The following TMEM87B variants were observed in gnomAD, a reference collection of about 807,000 sequenced individuals.
TMEM87B encodes the protein transmembrane protein 87B.
A neutral mutation model predicts 80.3 loss-of-function variants in TMEM87B; 83 were observed. The ratio of observed to expected loss-of-function variants is 1.03; its 90% confidence interval spans 0.87 to 1.24. The LOEUF is 1.24. TMEM87B is among the 50% of genes most tolerant of loss of function. The pLI, the probability that TMEM87B is intolerant of heterozygous loss-of-function variation, is 0.00. For missense variants in TMEM87B, 625 were observed against 674.4 expected (o/e 0.93, Z 0.81); for synonymous variants, 219 against 230.5 (o/e 0.95, Z 0.45).
intron 15 of TMEM87B, 56 bp from the exon 16 acceptor site, chr2:112,105,944 TTC>T: frequency 8.0e-7 from 1 of 1,255,584 alleles, no homozygotes. Context: ...ATTATTAAAT[TTC>T]TAAAGGAAAA....
At chr2:112,095,212 T>TTTTTTTTTTTTTTTTTTTTTTC (rs1679431615) in intron 11 of TMEM87B, 1 of 760,944 alleles carries the variant, frequency 1.3e-6, no homozygotes, top group Non-Finnish European at 1.6e-6. Context: ...TTTTTTTTTT[T>TTTTTTTTTTTTTTTTTTTTTTC]GCTGTTTTGC....
At chr2:112,080,420 C>A (rs554401966) in intron 6 of TMEM87B, among the ~76,000 whole-genome samples, 5 of 151,838 alleles carry the variant, frequency 3.3e-5, no homozygotes, top group African/African-American at 1.2e-4. Flanking sequence ...CCACCACGCC[C>A]GGCTAATTTT....
chr2:112,067,717 G>C (rs1374680726), intron 4 of TMEM87B, among the ~76,000 whole-genome samples: 2 of 152,058 alleles, frequency 1.3e-5, no homozygotes, highest in Admixed American at 1.3e-4. Context: ...TCTTCCTTCT[G>C]TCAACTGCAG....
intron 17 of TMEM87B, among the ~76,000 whole-genome samples, chr2:112,110,139 G>C (rs1359815568): frequency 6.6e-6 from 1 of 152,034 alleles, no homozygotes; most frequent in East Asian, 1.9e-4. Context: ...GACCTTTTCT[G>C]TCCAGCTTTA....
intron 15 of TMEM87B, among the ~76,000 whole-genome samples, chr2:112,101,031 T>G (rs1679615985): frequency 6.6e-6 from 1 of 152,220 alleles, no homozygotes; most frequent in African/African-American, 2.4e-5. Flanking sequence ...CTTCTTGCTC[T>G]TTTTAAAGTA....
intron 2 of TMEM87B, among the ~76,000 whole-genome samples, chr2:112,060,462 T>C (rs1361623275): frequency 6.6e-6 from 1 of 152,184 alleles, no homozygotes; most frequent in Non-Finnish European, 1.5e-5. Flanking sequence ...GCAAATGTTT[T>C]GTTTTTAAGT....
At chr2:112,076,346 AG>A (rs1678813301) in intron 5 of TMEM87B, among the ~76,000 whole-genome samples, 1 of 151,914 alleles carries the variant, frequency 6.6e-6, no homozygotes, top group African/African-American at 2.4e-5. Flanking sequence ...GTTAGAAAAA[AG>A]AGGTTTTTTT....
At chr2:112,112,559 G>A (rs1268429773) in intron 17 of TMEM87B, among the ~76,000 whole-genome samples, 1 of 152,218 alleles carries the variant, frequency 6.6e-6, no homozygotes, top group Non-Finnish European at 1.5e-5. Flanking sequence ...TTTCCCAAAG[G>A]TCCTGCTGTC....
intron 11 of TMEM87B, among the ~76,000 whole-genome samples, chr2:112,095,936 G>A (rs1234026670): frequency 6.6e-6 from 1 of 151,988 alleles, no homozygotes; most frequent in African/African-American, 2.4e-5. Context: ...TCTTCTTTTT[G>A]CTTCTTCATC....
Position 112,089,694 on chromosome 2 carries a change from T to G in TMEM87B, c.1008T>G (p.Val336=). 1.9e-6 allele frequency: 3 copies of G among 1,614,154 alleles called. No homozygotes were observed. The highest frequency in any genetic ancestry group is 2.5e-6 in the Non-Finnish European group (3 of 1,179,982). Reference sequence around the variant, plus strand: ...TTCTATACTTAATCTTTGCAGCTGTTGAAGGCGTGATGAGAGTCATTGGGG... The same window carrying G: ...TTCTATACTTAATCTTTGCAGCTGTGGAAGGCGTGATGAGAGTCATTGGGG... ...LGLLYLIFAA[V]EGVMRVIGGS... is the part of the protein sequence containing the mutation. Residue 336 remains valine (V), a synonymous_variant, in exon 10 of 19, where the codon GTT becomes GTG. Transcript: ENST00000283206.
intron 5 of TMEM87B, among the ~76,000 whole-genome samples, chr2:112,076,345 AAG>A (rs1678813237): frequency 6.6e-6 from 1 of 152,158 alleles, no homozygotes; most frequent in African/African-American, 2.4e-5. Flanking sequence ...TGTTAGAAAA[AAG>A]AGGTTTTTTT....
At chr2:112,096,814 T>C (rs1360399885) in intron 11 of TMEM87B, among the ~76,000 whole-genome samples, 2 of 152,242 alleles carry the variant, frequency 1.3e-5, no homozygotes, top group Admixed American at 6.5e-5. Context: ...TGTTTTTTCC[T>C]TGGAGTTTGT....
At chr2:112,071,932 C>T (rs1678652399) in intron 4 of TMEM87B, among the ~76,000 whole-genome samples, 1 of 151,806 alleles carries the variant, frequency 6.6e-6, no homozygotes, top group Non-Finnish European at 1.5e-5. Context: ...TCATAGGTGG[C>T]TCTTATTATT....
intron 4 of TMEM87B, among the ~76,000 whole-genome samples, chr2:112,068,699 G>T (rs546265119): frequency 1.3e-5 from 2 of 151,972 alleles, no homozygotes; most frequent in Non-Finnish European, 2.9e-5. Context: ...GTGAGACTCC[G>T]TCTCAAAAAA....
At chr2:112,109,093 A>G (rs771421839) in intron 17 of TMEM87B, among the ~76,000 whole-genome samples, 4 of 152,324 alleles carry the variant, frequency 2.6e-5, no homozygotes, top group South Asian at 2.1e-4. Flanking sequence ...ATATTTAACT[A>G]TGGAATTCAA....
At chr2:112,104,456 G>A (rs898314250) in intron 15 of TMEM87B, among the ~76,000 whole-genome samples, 1 of 152,082 alleles carries the variant, frequency 6.6e-6, no homozygotes, top group Non-Finnish European at 1.5e-5. Context: ...CAATAAACCC[G>A]TTAAAAGGTG....
At chr2:112,092,390 G>T (rs2104488338) in intron 11 of TMEM87B, among the ~76,000 whole-genome samples, 1 of 152,314 alleles carries the variant, frequency 6.6e-6, no homozygotes, top group South Asian at 2.1e-4. Context: ...GGCGGTTCAG[G>T]GAAGGGTGGC....
At chr2:112,064,341 A>T in intron 3 of TMEM87B, 88 bp downstream of exon 3, 1 of 1,114,734 alleles carries the variant, frequency 9.0e-7, no homozygotes, top group South Asian at 1.4e-5. Flanking sequence ...AGGAGGCTAG[A>T]AATAGAGATT....
chr2:112,093,472 A>G (rs1679365485), intron 11 of TMEM87B, among the ~76,000 whole-genome samples: 1 of 152,196 alleles, frequency 6.6e-6, no homozygotes, highest in Non-Finnish European at 1.5e-5. Context: ...TTACCAAATT[A>G]TATCTGTGGA....
Sources: allele counts gnomAD v4.1 joint callset (sites outside exome capture counted in the v4.1 genomes callset), GRCh38; gene constraint gnomAD v4.1.1; transcripts MANE v1.5; gene names NCBI Gene and HGNC (gene_info 2026-07-23, HGNC 2026-07-21).